Variants in PCSK6 observed in about 807,000 individuals in gnomAD.
The protein encoded by PCSK6 is paired basic amino acid cleaving enzyme 4.
PCSK6 carries 85 observed loss-of-function variants against 123.3 expected under a neutral mutation model. That is an observed-to-expected ratio of 0.69 (90% CI 0.58 to 0.83). PCSK6 has a LOEUF of 0.83. Among genes scored for constraint, PCSK6 ranks in the 40% least tolerant of loss-of-function variants. The pLI, the probability that PCSK6 is intolerant of heterozygous loss-of-function variation, is 0.00. For missense variants in PCSK6, 1,191 were observed against 1,282.3 expected (o/e 0.93, Z 1.09); for synonymous variants, 508 against 516.0 (o/e 0.98, Z 0.21).
At chr15:101,396,095 G>A (rs190864825) in intron 7 of PCSK6, among the ~76,000 whole-genome samples, 1 of 152,276 alleles carries the variant, frequency 6.6e-6, no homozygotes, top group Admixed American at 6.5e-5. Flanking sequence ...TTCAGTGACA[G>A]ATCGAGACAG....
intron 12 of PCSK6, among the ~76,000 whole-genome samples, chr15:101,369,294 G>A (rs565102817): frequency 6.6e-6 from 1 of 152,364 alleles, no homozygotes; most frequent in African/African-American, 2.4e-5. Context: ...GTGGTGGGGA[G>A]GGGAAGGGTT....
At chr15:101,422,683 G>T (rs568618104) in intron 6 of PCSK6, among the ~76,000 whole-genome samples, 14 of 151,550 alleles carry the variant, frequency 9.2e-5, no homozygotes, top group African/African-American at 3.4e-4. Flanking sequence ...TGCAGTTGGC[G>T]CGATCTCAGC....
At chr15:101,329,639 G>T (rs1470017865) in intron 15 of PCSK6, among the ~76,000 whole-genome samples, 2 of 152,230 alleles carry the variant, frequency 1.3e-5, no homozygotes, top group Non-Finnish European at 2.9e-5. Flanking sequence ...TCCTGTACCG[G>T]TGGAGCTGCC....
At chr15:101,387,199 G>A (rs568802862) in intron 9 of PCSK6, among the ~76,000 whole-genome samples, 1 of 152,172 alleles carries the variant, frequency 6.6e-6, no homozygotes, top group Non-Finnish European at 1.5e-5. Context: ...GCCTTCCTGC[G>A]GCCCACACGC....
chr15:101,440,389 C>A (rs767920973), intron 2 of PCSK6, among the ~76,000 whole-genome samples: 1 of 152,222 alleles, frequency 6.6e-6, no homozygotes, highest in Non-Finnish European at 1.5e-5. Flanking sequence ...AATAAGTGTG[C>A]GTGCACACAC....
intron 13 of PCSK6, among the ~76,000 whole-genome samples, chr15:101,365,590 C>T (rs551574471): frequency 4.6e-5 from 7 of 152,172 alleles, no homozygotes; most frequent in African/African-American, 1.2e-4. Flanking sequence ...CATAGGTCCA[C>T]ATAAAAACTT....
intron 1 of PCSK6, among the ~76,000 whole-genome samples, chr15:101,463,717 A>G (rs1337012486): frequency 6.6e-6 from 1 of 152,172 alleles, no homozygotes. Flanking sequence ...ATTCATGATT[A>G]TACATGATAC....
At chr15:101,426,006 G>A (rs571374488) in intron 6 of PCSK6, among the ~76,000 whole-genome samples, 8 of 152,276 alleles carry the variant, frequency 5.3e-5, no homozygotes, top group African/African-American at 1.7e-4. Flanking sequence ...CCCTGACTCC[G>A]TAGGCCTGGG....
At chr15:101,474,287 C>T (rs1299789517) in intron 1 of PCSK6, among the ~76,000 whole-genome samples, 1 of 152,178 alleles carries the variant, frequency 6.6e-6, no homozygotes, top group African/African-American at 2.4e-5. Flanking sequence ...GACAGACACA[C>T]CTAAATAAAC....
chr15:101,412,189 G>C (rs2055710935), intron 6 of PCSK6, among the ~76,000 whole-genome samples: 1 of 152,246 alleles, frequency 6.6e-6, no homozygotes, highest in Admixed American at 6.5e-5. Flanking sequence ...AACAGGGCCA[G>C]AGAAGCCAGC....
intron 1 of PCSK6, among the ~76,000 whole-genome samples, chr15:101,451,781 G>C (rs755288723): frequency 1.8e-4 from 28 of 152,126 alleles, no homozygotes; most frequent in Non-Finnish European, 3.7e-4. Context: ...CGGTTGGTTT[G>C]CTTAAGAAAA....
At chr15:101,378,177 T>A (rs933120711) in intron 11 of PCSK6, among the ~76,000 whole-genome samples, 1 of 152,262 alleles carries the variant, frequency 6.6e-6, no homozygotes, top group African/African-American at 2.4e-5. Context: ...ATCAACTTTA[T>A]CTTTCTATTT....
At chr15:101,350,466 T>C (rs1030513081) in intron 13 of PCSK6, among the ~76,000 whole-genome samples, 3 of 152,210 alleles carry the variant, frequency 2.0e-5, no homozygotes, top group Admixed American at 6.5e-5. Context: ...ATGCCAAATA[T>C]TACTTTAATT....
chr15:101,362,894 G>C (rs956541367), intron 13 of PCSK6, among the ~76,000 whole-genome samples: 1 of 152,196 alleles, frequency 6.6e-6, no homozygotes, highest in Non-Finnish European at 1.5e-5. Context: ...TAGAACCATA[G>C]ACCCTGGCTT....
chr15:101,431,579 C>T (rs1475446456), intron 3 of PCSK6, 116 bp from the exon 4 acceptor site: 1 of 1,233,708 alleles, frequency 8.1e-7, no homozygotes, highest in African/African-American at 1.5e-5. Context: ...AAGGAGGGAA[C>T]ACCTATCCCT....
intron 6 of PCSK6, among the ~76,000 whole-genome samples, chr15:101,422,714 C>A (rs566410342): frequency 6.6e-6 from 1 of 152,094 alleles, no homozygotes; most frequent in South Asian, 2.1e-4. Flanking sequence ...CTCTGCCTCC[C>A]GGGTTCACGC....
At chr15:101,342,420 A>T (rs558377643) in intron 13 of PCSK6, among the ~76,000 whole-genome samples, 1 of 152,346 alleles carries the variant, frequency 6.6e-6, no homozygotes, top group East Asian at 1.9e-4. Flanking sequence ...GATAAAGTGG[A>T]ATGCTGACAA....
At chr15:101,393,673 A>G (rs1363140612) in intron 7 of PCSK6, among the ~76,000 whole-genome samples, 1 of 152,178 alleles carries the variant, frequency 6.6e-6, no homozygotes, top group Admixed American at 6.5e-5. Context: ...AGGGGCCAGA[A>G]AGACTCCTCT....
intron 1 of PCSK6, among the ~76,000 whole-genome samples, chr15:101,447,359 C>A (rs925694802): frequency 6.6e-6 from 1 of 152,184 alleles, no homozygotes; most frequent in Non-Finnish European, 1.5e-5. Flanking sequence ...CTGGCCCTGA[C>A]TCACAGATTA....
Sources: gnomAD v4.1 joint callset for allele counts (sites outside exome capture counted in the v4.1 genomes callset) on GRCh38, gnomAD v4.1.1 for gene constraint, MANE v1.5 for transcripts, NCBI Gene and HGNC (gene_info 2026-07-23, HGNC 2026-07-21) for gene names.